Variants in SPTBN1 observed in about 807,000 individuals in gnomAD.
SPTBN1 encodes the protein spectrin beta, non-erythrocytic 1, also known as spectrin beta chain, non-erythrocytic 1.
In SPTBN1, 32 loss-of-function variants were observed where a neutral mutation model predicts 266.4. The ratio of observed to expected loss-of-function variants is 0.12; its 90% CI spans 0.09 to 0.16. The LOEUF (loss-of-function observed/expected upper bound fraction) is 0.16, where lower values mean the gene tolerates loss of function less well. Among genes scored for constraint, SPTBN1 ranks in the 10% least tolerant of loss-of-function variants. The probability of loss-of-function intolerance (pLI) is 1.00; values close to 1 mark genes in which losing one functional copy is unlikely to be tolerated. For missense variants in SPTBN1, 2,296 were observed against 3,067.1 expected (o/e 0.75, Z 5.94); for synonymous variants, 1,336 against 1,162.2 (o/e 1.15, Z -3.04).
rs76451978 is a variant in SPTBN1, at chr2:54,462,473, C to G, written c.-48+5955C>G. Reference sequence around the variant, plus strand: ...TTTATTTGTACACAGTTCTTTTGACCATTAAGCATTTATAGTATTAATGAT... The same window carrying G: ...TTTATTTGTACACAGTTCTTTTGACGATTAAGCATTTATAGTATTAATGAT... On this transcript the variant is annotated intron_variant, in intron 1 of 35. Transcript: ENST00000356805. 3.9e-3 allele frequency among the ~76,000 whole-genome samples: 592 copies of G among 152,236 alleles called. 6 individuals are homozygous for G. Among genetic ancestry groups the G allele is most frequent in the African/African-American group, 0.014 (561 of 41,536 alleles).
intron 2 of SPTBN1, among the ~76,000 whole-genome samples, chr2:54,550,440 C>G (rs1310362786): frequency 6.6e-6 from 1 of 152,194 alleles, no homozygotes; most frequent in East Asian, 1.9e-4. Context: ...TTCCATATCT[C>G]TGCAACTGGG....
At position 54,659,220 on chromosome 2, in the gene SPTBN1, G is replaced by A. The variant is rs936886115; in HGVS notation, c.6310G>A (p.Glu2104Lys). Residue 2104 changes from glutamate to lysine, a missense_variant, in exon 31 of 36, where the codon GAG becomes AAG. Physicochemically the swap from Glu to Lys is moderately conservative, Grantham distance 56 (BLOSUM62 1). This residue lies in a region of SPTBN1 where 347 missense variants were observed against 368.5 expected (regional missense o/e 0.94). Transcript: ENST00000356805. ...EERKRRPPSP[E>K]PSTKVSEEAE... ...GAGGAAGAGGCGGCCGCCTTCTCCC[G>A]AGCCGAGCACGAAGGTTTCAGAGGA... 1.4e-5 allele frequency: 23 copies of A among 1,613,934 alleles called. No homozygotes were observed. The highest frequency in any genetic ancestry group is 6.7e-5 in the African/African-American group (5 of 74,898).
intron 2 of SPTBN1, among the ~76,000 whole-genome samples, chr2:54,542,830 G>A (rs747408500): frequency 6.6e-6 from 1 of 152,240 alleles, no homozygotes; most frequent in East Asian, 1.9e-4. Flanking sequence ...TTTGGGTTCT[G>A]TGAAGCCTCT....
At chr2:54,467,156 A>G (rs929414484) in intron 1 of SPTBN1, among the ~76,000 whole-genome samples, 21 of 152,060 alleles carry the variant, frequency 1.4e-4, no homozygotes, top group South Asian at 6.3e-4. Context: ...CTCAAGGCCA[A>G]ATATAAATGT....
Position 54,645,493 on chromosome 2 carries a change from C to A in SPTBN1, c.4494+40C>A, listed in dbSNP as rs1249973001. ...ACTGCACACATGGCTTTTCCACGAG[C>A]CCCCTTGCCTGTGCTAAAGCCCACA... is the stretch of plus-strand genomic sequence containing the variant. On this transcript the variant is annotated intron_variant, in intron 21 of 35. Coordinates refer to ENST00000356805, the MANE Select transcript of SPTBN1 (RefSeq NM_003128.3). The surrounding 1 kb of genome is among the most constrained non-coding windows in gnomAD (Gnocchi z 4.3). 4.0e-5 allele frequency: 64 copies of A among 1,596,406 alleles called. No individual in the cohort carries two copies. Among genetic ancestry groups the A allele is most frequent in the Non-Finnish European group, 5.4e-5 (63 of 1,168,012 alleles).
chr2:54,538,994 C>A (rs542209242), intron 2 of SPTBN1, among the ~76,000 whole-genome samples: 24 of 152,180 alleles, frequency 1.6e-4, no homozygotes, highest in Admixed American at 4.6e-4. Flanking sequence ...TGGCCAGGAG[C>A]CCTCTTGCCT....
chr2:54,532,044 C>G (rs1271132472), intron 2 of SPTBN1, among the ~76,000 whole-genome samples: 2 of 152,122 alleles, frequency 1.3e-5, no homozygotes, highest in Non-Finnish European at 2.9e-5. Context: ...AATCTCAACA[C>G]TTTGGGAGGC....
At chr2:54,627,709 G>A (rs538420302) in intron 12 of SPTBN1, among the ~76,000 whole-genome samples, 5 of 152,188 alleles carry the variant, frequency 3.3e-5, no homozygotes, top group African/African-American at 7.2e-5. Context: ...TTGTTGCAGC[G>A]GTTTCTTCTT....
At chr2:54,581,633 G>A (rs1674920611) in intron 2 of SPTBN1, among the ~76,000 whole-genome samples, 1 of 136,990 alleles carries the variant, frequency 7.3e-6, no homozygotes, top group Non-Finnish European at 1.5e-5. Context: ...CCACTTTGAG[G>A]TTGAAGGTAC....
intron 2 of SPTBN1, chr2:54,557,891 G>A (rs1672982718): frequency 1.0e-6 from 1 of 985,266 alleles, no homozygotes; most frequent in Non-Finnish European, 1.2e-6. Context: ...ACTTCTTCCC[G>A]GTGGCTCGCC....
intron 2 of SPTBN1, among the ~76,000 whole-genome samples, chr2:54,544,445 T>G (rs1248045500): frequency 6.6e-6 from 1 of 152,168 alleles, no homozygotes; most frequent in African/African-American, 2.4e-5. Flanking sequence ...TCAGAGTGGT[T>G]ATTGAACTTA....
chr2:54,565,897 A>G (rs1673626830), intron 2 of SPTBN1, among the ~76,000 whole-genome samples: 1 of 152,248 alleles, frequency 6.6e-6, no homozygotes, highest in African/African-American at 2.4e-5. Flanking sequence ...AGTATTGTTG[A>G]TTACTAGTAA....
chr2:54,652,001 G>T (rs558482019), intron 26 of SPTBN1, among the ~76,000 whole-genome samples: 6 of 151,830 alleles, frequency 4.0e-5, no homozygotes, highest in African/African-American at 1.2e-4. Context: ...ACTGCTGTCC[G>T]TACCCCCCCG....
intron 1 of SPTBN1, among the ~76,000 whole-genome samples, chr2:54,519,532 C>T (rs1390217272): frequency 6.6e-6 from 1 of 152,108 alleles, no homozygotes; most frequent in African/African-American, 2.4e-5. Context: ...GAGACAAGAA[C>T]ATGATTCTTC....
intron 1 of SPTBN1, among the ~76,000 whole-genome samples, chr2:54,475,927 G>C (rs1667802146): frequency 6.6e-6 from 1 of 152,134 alleles, no homozygotes; most frequent in South Asian, 2.1e-4. Flanking sequence ...TTTAGTGCTT[G>C]AAATGAGATT....
At chr2:54,529,527 C>G (rs1448052213) in intron 2 of SPTBN1, 2 of 698,142 alleles carry the variant, frequency 2.9e-6, no homozygotes, top group Non-Finnish European at 5.3e-6. Context: ...CCCAGATATC[C>G]TCGGAAGACC....
intron 11 of SPTBN1, 49 bp from the exon 12 acceptor site, chr2:54,625,883 G>T: frequency 1.9e-6 from 3 of 1,570,156 alleles, no homozygotes; most frequent in Admixed American, 1.8e-5. Flanking sequence ...GAGCTACTGT[G>T]CCCGGGTGGA....
At chr2:54,517,633 C>A (rs1226237175) in intron 1 of SPTBN1, among the ~76,000 whole-genome samples, 4 of 149,126 alleles carry the variant, frequency 2.7e-5, no homozygotes, top group African/African-American at 9.8e-5. Flanking sequence ...CTGTATACAG[C>A]TCTATGGTGC....
At chr2:54,513,538 G>C (rs1435308562) in intron 1 of SPTBN1, among the ~76,000 whole-genome samples, 1 of 152,138 alleles carries the variant, frequency 6.6e-6, no homozygotes, top group Non-Finnish European at 1.5e-5. Context: ...TTCAGGACTG[G>C]TATTTTGGCA....
Sources: allele counts gnomAD v4.1 joint callset (sites outside exome capture counted in the v4.1 genomes callset), GRCh38; gene constraint gnomAD v4.1.1; regional missense constraint gnomAD v4.1.1; non-coding constraint Gnocchi (gnomAD v3.1); transcripts MANE v1.5; gene names NCBI Gene and HGNC (gene_info 2026-07-23, HGNC 2026-07-21).